Variants in EHBP1 observed in about 807,000 individuals in gnomAD.
The protein encoded by EHBP1 is EH domain binding protein 1.
In EHBP1, 55 loss-of-function variants were observed where a neutral mutation model predicts 144.0. The observed-to-expected ratio is 0.38, with a 90% CI of 0.31 to 0.48. EHBP1 has a LOEUF of 0.48. EHBP1 is among the 20% of genes least tolerant of loss of function. The pLI, the probability that EHBP1 is intolerant of heterozygous loss-of-function variation, is 0.98. For missense variants in EHBP1, 1,200 were observed against 1,364.2 expected (o/e 0.88, Z 1.90); for synonymous variants, 469 against 472.7 (o/e 0.99, Z 0.10).
rs929981987 is a variant in EHBP1 at position 63,045,311 on chromosome 2, G to T, written c.3393-99G>T. The stretch of plus-strand genomic sequence containing the variant: ...CACTGGCCTGGTGCTCCCCATTCCC[G>T]CTGGGGATCCAAATACTGGGCGACG... On this transcript the variant is annotated intron_variant, in intron 22 of 22. Coordinates refer to ENST00000431489, the MANE Select transcript of EHBP1 (RefSeq NM_001142616.3). This position sits in a 1 kb window ranked among gnomAD's most constrained non-coding sequence, Gnocchi z 5.7. 6.5e-6 allele frequency: 9 copies of T among 1,374,860 alleles called. No homozygotes were observed. The highest frequency in any genetic ancestry group is 2.9e-5 in the African/African-American group (2 of 70,096). The allele number at this position is 1,374,860 out of a possible 1,614,324, so 85.2% of individuals were successfully genotyped here.
intron 7 of EHBP1, among the ~76,000 whole-genome samples, chr2:62,852,534 A>T (rs1055795131): frequency 6.6e-6 from 1 of 152,068 alleles, no homozygotes; most frequent in African/African-American, 2.4e-5. Context: ...TTTTTTGATT[A>T]TTTATGAGAA....
chr2:62,855,136 C>T (rs576615616), intron 7 of EHBP1, among the ~76,000 whole-genome samples: 5 of 152,366 alleles, frequency 3.3e-5, no homozygotes, highest in Non-Finnish European at 7.3e-5. Context: ...CCTGGGAAGG[C>T]TTCCCCTGCC....
chr2:62,836,334 C>A (rs1183296110), intron 7 of EHBP1, among the ~76,000 whole-genome samples: 11 of 147,468 alleles, frequency 7.5e-5, no homozygotes, highest in African/African-American at 2.5e-4. Context: ...CACCGAAAAC[C>A]CATCTGTACA....
At chr2:62,704,056 A>G (rs2034361852), upstream of EHBP1, among the ~76,000 whole-genome samples, 1 of 152,352 alleles carries the variant, frequency 6.6e-6, no homozygotes, top group Non-Finnish European at 1.5e-5. Flanking sequence ...AAAGCCTACT[A>G]AAGATGCAGA....
chr2:62,740,361 ATAAT>A (rs1322536557), intron 2 of EHBP1, among the ~76,000 whole-genome samples: 1 of 152,158 alleles, frequency 6.6e-6, no homozygotes, highest in African/African-American at 2.4e-5. Flanking sequence ...TCCCTATTGA[ATAAT>A]TACTGCAGCT....
chr2:62,780,460 T>C (rs1296739307), intron 5 of EHBP1, among the ~76,000 whole-genome samples: 1 of 152,052 alleles, frequency 6.6e-6, no homozygotes, highest in Non-Finnish European at 1.5e-5. Flanking sequence ...AGAAATTTCA[T>C]ATATATATAT....
At chr2:62,819,189 G>C (rs1238406051) in intron 5 of EHBP1, among the ~76,000 whole-genome samples, 7 of 152,116 alleles carry the variant, frequency 4.6e-5, no homozygotes, top group African/African-American at 1.7e-4. Context: ...CAAGGAATGT[G>C]GAGTTGCTTT....
At chr2:63,005,547 C>T (rs976002777) in intron 19 of EHBP1, among the ~76,000 whole-genome samples, 1 of 151,964 alleles carries the variant, frequency 6.6e-6, no homozygotes, top group South Asian at 2.1e-4. Flanking sequence ...TAGTATGCTT[C>T]CTGTAAGCTT....
intron 10 of EHBP1, among the ~76,000 whole-genome samples, chr2:62,881,213 G>A (rs866273821): frequency 6.6e-6 from 1 of 151,936 alleles, no homozygotes. Flanking sequence ...ACACAAAGAA[G>A]GGAACAATAG....
chr2:62,921,257 G>T (rs910628959), intron 10 of EHBP1, among the ~76,000 whole-genome samples: 4 of 151,926 alleles, frequency 2.6e-5, no homozygotes, highest in Admixed American at 2.0e-4. Context: ...ACCAGCCTGG[G>T]CAACATAGCG....
chr2:62,983,326 C>T (rs1365426031), intron 15 of EHBP1, among the ~76,000 whole-genome samples: 7 of 151,846 alleles, frequency 4.6e-5, no homozygotes, highest in Admixed American at 4.6e-4. Flanking sequence ...TGGCCAAATA[C>T]GTATTAAATT....
At chr2:62,842,374 C>A in intron 7 of EHBP1, among the ~76,000 whole-genome samples, 1 of 152,196 alleles carries the variant, frequency 6.6e-6, no homozygotes, top group East Asian at 1.9e-4. Context: ...CGTGAGCCAC[C>A]GCGCCTGGCC....
chr2:62,904,268 T>TC (rs967073175), intron 10 of EHBP1, among the ~76,000 whole-genome samples: 1 of 152,216 alleles, frequency 6.6e-6, no homozygotes, highest in Non-Finnish European at 1.5e-5. Flanking sequence ...GGTGAAATAC[T>TC]CCGAGTACTT....
intron 19 of EHBP1, among the ~76,000 whole-genome samples, chr2:63,035,015 A>G (rs1055179422): frequency 2.0e-5 from 3 of 152,034 alleles, no homozygotes; most frequent in African/African-American, 7.2e-5. Context: ...AGAAAAGCTC[A>G]CTGTGATCAC....
At chr2:62,955,702 T>G in intron 14 of EHBP1, 42 bp downstream of exon 14, 1 of 1,573,698 alleles carries the variant, frequency 6.4e-7, no homozygotes, top group South Asian at 1.2e-5. Flanking sequence ...TTGTTCATTG[T>G]AATCATGGGG....
chr2:63,020,980 A>ATTTTTTTT (rs761382729), intron 19 of EHBP1, among the ~76,000 whole-genome samples: 1 of 68,572 alleles, frequency 1.5e-5, no homozygotes, highest in African/African-American at 6.1e-5. Context: ...GCCTGGCCTC[A>ATTTTTTTT]TTTTTTTTTT....
intron 19 of EHBP1, among the ~76,000 whole-genome samples, chr2:63,031,724 T>C (rs958087283): frequency 6.6e-6 from 1 of 152,152 alleles, no homozygotes; most frequent in African/African-American, 2.4e-5. Context: ...AAGCCAGCAG[T>C]GTGAGACCAG....
At chr2:62,908,478 TCC>T (rs2053966551) in intron 10 of EHBP1, among the ~76,000 whole-genome samples, 1 of 152,112 alleles carries the variant, frequency 6.6e-6, no homozygotes, top group Non-Finnish European at 1.5e-5. Flanking sequence ...CTTTATTACT[TCC>T]TTCTTAGTTT....
intron 5 of EHBP1, among the ~76,000 whole-genome samples, chr2:62,818,359 C>G (rs189362450): frequency 6.6e-6 from 1 of 151,926 alleles, no homozygotes; most frequent in Admixed American, 6.6e-5. Context: ...TCCAAGTTTA[C>G]GTATGTTTAG....
Sources: allele counts gnomAD v4.1 joint callset (sites outside exome capture counted in the v4.1 genomes callset), GRCh38; gene constraint gnomAD v4.1.1; non-coding constraint Gnocchi (gnomAD v3.1); transcripts MANE v1.5; gene names NCBI Gene and HGNC (gene_info 2026-07-23, HGNC 2026-07-21).